GNA12: variants seen among roughly 807,000 people sequenced by gnomAD.
GNA12 encodes guanine nucleotide-binding protein subunit alpha-12.
Under a neutral mutation model 26.0 loss-of-function variants are expected in GNA12, and 9 were observed. That is an observed-to-expected ratio of 0.35 (90% confidence interval 0.21 to 0.60). The LOEUF (loss-of-function observed/expected upper bound fraction) is 0.60. Ranked by LOEUF, GNA12 falls within the 20% of genes least tolerant of loss-of-function variation. The probability of loss-of-function intolerance (pLI) is 0.78; values close to 1 mark genes in which losing one functional copy is unlikely to be tolerated. For synonymous variants in GNA12, 264 were observed against 219.6 expected (o/e 1.20, Z -1.79); for missense variants, 405 against 525.8 (o/e 0.77, Z 2.25).
chr7:2,739,209 A>C (rs566614475), intron 2 of GNA12, among the ~76,000 whole-genome samples: 1 of 152,340 alleles, frequency 6.6e-6, no homozygotes, highest in East Asian at 1.9e-4. Flanking sequence ...CCATTTTGAC[A>C]TGAACCATTC....
chr7:2,820,005 A>G (rs1184080146), intron 1 of GNA12, among the ~76,000 whole-genome samples: 2 of 152,232 alleles, frequency 1.3e-5, no homozygotes, highest in African/African-American at 4.8e-5. Flanking sequence ...GGATAAACAA[A>G]ACGGGGCGTA....
intron 2 of GNA12, among the ~76,000 whole-genome samples, chr7:2,735,478 T>C (rs1001001435): frequency 1.3e-5 from 2 of 152,064 alleles, no homozygotes; most frequent in African/African-American, 4.8e-5. Flanking sequence ...GCCCAGATAG[T>C]ACGGACGCAA....
At chr7:2,804,762 A>G (rs1454647330) in intron 1 of GNA12, among the ~76,000 whole-genome samples, 2 of 152,138 alleles carry the variant, frequency 1.3e-5, no homozygotes, top group Non-Finnish European at 2.9e-5. Flanking sequence ...TTCTACCACT[A>G]AAGACGTTGA....
intron 3 of GNA12, among the ~76,000 whole-genome samples, chr7:2,732,126 G>A (rs961006837): frequency 2.0e-5 from 3 of 152,128 alleles, no homozygotes; most frequent in Non-Finnish European, 1.5e-5. Context: ...ACCTTACTGT[G>A]AATTAATTTA....
chr7:2,823,218 T>A (rs964583748), intron 1 of GNA12, among the ~76,000 whole-genome samples: 4 of 152,232 alleles, frequency 2.6e-5, no homozygotes, highest in Admixed American at 2.6e-4. Flanking sequence ...AGAACCCTTC[T>A]GTCTGCTTCA....
chr7:2,757,567 A>G (rs1791363359), intron 2 of GNA12, among the ~76,000 whole-genome samples: 1 of 152,246 alleles, frequency 6.6e-6, no homozygotes, highest in Admixed American at 6.5e-5. Context: ...CAGGTGCACC[A>G]GCCTGCGAGG....
intron 1 of GNA12, among the ~76,000 whole-genome samples, chr7:2,818,959 G>A (rs544766093): frequency 6.6e-6 from 1 of 152,144 alleles, no homozygotes; most frequent in South Asian, 2.1e-4. Flanking sequence ...ATGGCCGGGG[G>A]TATTCATCAA....
chr7:2,820,352 G>A (rs1793321566), intron 1 of GNA12, among the ~76,000 whole-genome samples: 1 of 150,112 alleles, frequency 6.7e-6, no homozygotes, highest in Non-Finnish European at 1.5e-5. Flanking sequence ...CTGAATTGTA[G>A]GCTTTAAATG....
rs798507 is a variant in GNA12 at position 2,744,295 on chromosome 7, C to T, written c.526-10794G>A. ...AGTAGGGGCGGACTGACACCTCACA[C>T]GGCCGGGTACTCCTCTGAGACAAAA... On this transcript the variant is annotated intron_variant, in intron 2 of 3. Transcript: ENST00000275364. Among the ~76,000 whole-genome samples the T allele has an allele frequency of 9.6e-3, 1,455 of 152,262 alleles. 11 individuals are homozygous for T. The highest frequency in any genetic ancestry group is 0.019 in the African/African-American group (802 of 41,516).
intron 2 of GNA12, among the ~76,000 whole-genome samples, chr7:2,756,261 ACT>A (rs1398502766): frequency 1.3e-5 from 2 of 152,116 alleles, no homozygotes; most frequent in African/African-American, 2.4e-5. Context: ...CTTAAAAAAA[ACT>A]CTCATTTGGA....
chr7:2,737,469 A>G (rs923926289), intron 2 of GNA12, among the ~76,000 whole-genome samples: 16 of 151,686 alleles, frequency 1.1e-4, no homozygotes, highest in African/African-American at 3.9e-4. Flanking sequence ...TTGTATTTTT[A>G]GTAGAGACGG....
At chr7:2,753,236 A>C (rs1157215399) in intron 2 of GNA12, among the ~76,000 whole-genome samples, 1 of 151,526 alleles carries the variant, frequency 6.6e-6, no homozygotes, top group African/African-American at 2.4e-5. Context: ...CTCACTGCAA[A>C]CTCTCCTCCC....
intron 2 of GNA12, among the ~76,000 whole-genome samples, chr7:2,782,981 T>A (rs543064499): frequency 6.6e-6 from 1 of 152,252 alleles, no homozygotes. Context: ...TTTAAACATA[T>A]GCCATGTCAC....
chr7:2,815,846 C>T (rs1793206445), intron 1 of GNA12, among the ~76,000 whole-genome samples: 1 of 142,560 alleles, frequency 7.0e-6, no homozygotes, highest in South Asian at 2.3e-4. Context: ...TTTCCCATCA[C>T]TCCTCTGCTC....
At chr7:2,815,324 C>T (rs778998858) in intron 1 of GNA12, 97 of 197,500 alleles carry the variant, frequency 4.9e-4, no homozygotes, top group African/African-American at 1.0e-3. Context: ...GGGCCGGCTG[C>T]GCAGCAGGGG....
intron 2 of GNA12, among the ~76,000 whole-genome samples, chr7:2,765,732 G>A (rs2115412395): frequency 6.6e-6 from 1 of 152,168 alleles, no homozygotes; most frequent in South Asian, 2.1e-4. Flanking sequence ...CTGGGTTCAA[G>A]CGATTCTCCT....
intron 2 of GNA12, among the ~76,000 whole-genome samples, chr7:2,749,943 G>A (rs1204824974): frequency 2.6e-5 from 4 of 152,162 alleles, no homozygotes; most frequent in African/African-American, 9.7e-5. Flanking sequence ...CAAGTAGTTG[G>A]AATCTCACAG....
intron 1 of GNA12, among the ~76,000 whole-genome samples, chr7:2,800,646 G>T (rs1388876911): frequency 6.6e-6 from 1 of 152,144 alleles, no homozygotes; most frequent in African/African-American, 2.4e-5. Context: ...GGAGAGGGAG[G>T]GTTAGCAGAG....
intron 1 of GNA12, among the ~76,000 whole-genome samples, chr7:2,796,085 C>T (rs570326852): frequency 4.3e-4 from 66 of 152,016 alleles, no homozygotes; most frequent in African/African-American, 1.6e-3. Flanking sequence ...AGCCTGGTCT[C>T]GAACTCCTGA....
Sources: allele counts gnomAD v4.1 joint callset (sites outside exome capture counted in the v4.1 genomes callset), GRCh38; gene constraint gnomAD v4.1.1; transcripts MANE v1.5; gene names NCBI Gene and HGNC (gene_info 2026-07-23, HGNC 2026-07-21).